AFTPH: variants seen among roughly 807,000 people sequenced by gnomAD.
The protein encoded by AFTPH is aftiphilin, also known as aftiphilin protein.
Under a neutral mutation model 72.5 loss-of-function variants are expected in AFTPH, and 7 were observed. The ratio of observed to expected loss-of-function variants is 0.10; its 90% CI spans 0.05 to 0.18. The LOEUF is 0.18. Ranked by LOEUF, AFTPH falls within the 10% of genes least tolerant of loss-of-function variation. The pLI, the probability that AFTPH is intolerant of heterozygous loss-of-function variation, is 1.00. For synonymous variants in AFTPH, 337 were observed against 370.1 expected, an observed-to-expected ratio of 0.91 and a Z score of 1.03; for missense variants, 979 against 1,060.5, an observed-to-expected ratio of 0.92 and a Z score of 1.07.
chr2:64,536,988 GAATGCTTTTCAGA>G (rs1669935022), intron 1 of AFTPH, among the ~76,000 whole-genome samples: 7 of 143,570 alleles, frequency 4.9e-5, no homozygotes, highest in Non-Finnish European at 1.5e-5. Context: ...AGAAGAAGAA[GAATGCTTTTCAGA>G]AATGCTTTTT....
intron 1 of AFTPH, among the ~76,000 whole-genome samples, chr2:64,548,131 C>T (rs1427280232): frequency 2.1e-5 from 3 of 146,080 alleles, no homozygotes; most frequent in Middle Eastern, 3.4e-3. Context: ...CGGTGGCTCA[C>T]GCCTGTAATC....
At chr2:64,550,811 A>G (rs981370870) in intron 1 of AFTPH, among the ~76,000 whole-genome samples, 1 of 151,786 alleles carries the variant, frequency 6.6e-6, no homozygotes, top group African/African-American at 2.4e-5. Context: ...ACCATGTGTT[A>G]TGGTTATTAC....
At position 64,562,075 on chromosome 2, in the gene AFTPH, A is replaced by T. The variant is rs554497412; in HGVS notation, c.1936-5487A>T. Among the ~76,000 whole-genome samples, 8 of 152,284 alleles carry T rather than the reference A, an allele frequency of 5.3e-5. No homozygotes were observed. The South Asian group carries it at 1.7e-3, about 32-fold the overall frequency. ...CAGTAAGGCTATGGTACTTACCTGAATCTTCCTGAACTATAGTTTCTTCAT... is the reference window on the plus strand; with the variant it reads ...CAGTAAGGCTATGGTACTTACCTGATTCTTCCTGAACTATAGTTTCTTCAT... On this transcript the variant is annotated intron_variant, in intron 2 of 8. Coordinates refer to ENST00000238856, the Ensembl canonical transcript of AFTPH.
chr2:64,576,315 A>G (rs1672798786), intron 6 of AFTPH, among the ~76,000 whole-genome samples: 2 of 152,002 alleles, frequency 1.3e-5, no homozygotes, highest in Non-Finnish European at 2.9e-5. Flanking sequence ...ACTTAGCACA[A>G]GCACAATTGT....
chr2:64,550,887 CT>C (rs946899847), intron 1 of AFTPH, among the ~76,000 whole-genome samples: 2 of 152,012 alleles, frequency 1.3e-5, no homozygotes, highest in African/African-American at 2.4e-5. Context: ...GTATTTCCAA[CT>C]TTTTTTGAGT....
At chr2:64,569,788 G>A (rs1672308835) in intron 5 of AFTPH, 109 bp downstream of exon 5, 2 of 968,250 alleles carry the variant, frequency 2.1e-6, no homozygotes, top group Non-Finnish European at 3.2e-6. Flanking sequence ...TTTAGTGTTG[G>A]AATCTGAAGG....
chr2:64,531,434 C>T (rs1422923285), intron 1 of AFTPH, among the ~76,000 whole-genome samples: 1 of 152,106 alleles, frequency 6.6e-6, no homozygotes, highest in Non-Finnish European at 1.5e-5. Flanking sequence ...TTAGGCTTTT[C>T]AGCAGTGTGG....
chr2:64,527,164 A>T (rs1398800344), intron 1 of AFTPH, among the ~76,000 whole-genome samples: 1 of 152,018 alleles, frequency 6.6e-6, no homozygotes, highest in Non-Finnish European at 1.5e-5. Context: ...TTATATCCTT[A>T]AAAAAAATCC....
intron 1 of AFTPH, among the ~76,000 whole-genome samples, chr2:64,533,954 T>G (rs926075378): frequency 6.6e-6 from 1 of 152,224 alleles, no homozygotes; most frequent in African/African-American, 2.4e-5. Context: ...ATGTGATACT[T>G]TTCAAAGCAA....
At chr2:64,551,926 C>G (rs1277572821) in exon 2 of AFTPH, 1 of 1,613,442 alleles carries the variant, frequency 6.2e-7, no homozygotes, top group African/African-American at 1.3e-5. Flanking sequence ...GAAAGTTTCT[C>G]TCCAGGAGAT....
At chr2:64,575,642 G>A (rs1283318427) in intron 6 of AFTPH, among the ~76,000 whole-genome samples, 1 of 151,726 alleles carries the variant, frequency 6.6e-6, no homozygotes, top group African/African-American at 2.4e-5. Context: ...ACAAACATCT[G>A]AAGTACATTT....
intron 1 of AFTPH, among the ~76,000 whole-genome samples, chr2:64,528,788 G>A (rs147300516): frequency 2.0e-4 from 30 of 152,116 alleles, no homozygotes; most frequent in African/African-American, 7.2e-4. Context: ...GGTGAGAGGG[G>A]CAGTGTTTTA....
At chr2:64,551,263 A>G (rs867567159) in intron 1 of AFTPH, among the ~76,000 whole-genome samples, 180 bp from the exon 2 acceptor site, 5 of 152,040 alleles carry the variant, frequency 3.3e-5, no homozygotes, top group Non-Finnish European at 7.4e-5. Flanking sequence ...AAGTAATTGC[A>G]CCTAAGAGAA....
chr2:64,556,902 A>C (rs1671412315), intron 2 of AFTPH, among the ~76,000 whole-genome samples: 2 of 152,208 alleles, frequency 1.3e-5, no homozygotes, highest in East Asian at 3.8e-4. Flanking sequence ...AGTATATTTC[A>C]TTCTTTTGTT....
intron 1 of AFTPH, among the ~76,000 whole-genome samples, chr2:64,534,318 T>G (rs536144686): frequency 6.6e-6 from 1 of 152,058 alleles, no homozygotes; most frequent in African/African-American, 2.4e-5. Flanking sequence ...AATTTAACTC[T>G]TTTTACACTG....
chr2:64,551,946 A>C, exon 2 of AFTPH: 4 of 1,613,652 alleles, frequency 2.5e-6, no homozygotes, highest in Non-Finnish European at 3.4e-6. Flanking sequence ...TTTTAGAACT[A>C]ATATGAATGT....
chr2:64,527,580 CAAA>C (rs34338314), intron 1 of AFTPH, among the ~76,000 whole-genome samples: 2 of 135,614 alleles, frequency 1.5e-5, no homozygotes, highest in South Asian at 2.3e-4. Flanking sequence ...AACATCATCT[CAAA>C]AAAAAAAAAA....
At chr2:64,531,494 C>T (rs1669631220) in intron 1 of AFTPH, among the ~76,000 whole-genome samples, 1 of 152,056 alleles carries the variant, frequency 6.6e-6, no homozygotes, top group Admixed American at 6.5e-5. Context: ...TGAGATATGC[C>T]TTTATTTGAT....
chr2:64,552,037 T>C (rs1671078414), exon 2 of AFTPH: 1 of 1,613,972 alleles, frequency 6.2e-7, no homozygotes, highest in East Asian at 2.2e-5. Context: ...GGGTTTGCAG[T>C]GTTGGAAACT....
Sources: gnomAD v4.1 joint callset for allele counts (sites outside exome capture counted in the v4.1 genomes callset) on GRCh38, gnomAD v4.1.1 for gene constraint, MANE v1.5 for transcripts, NCBI Gene and HGNC (gene_info 2026-07-23, HGNC 2026-07-21) for gene names.